The following CDK14 variants were observed in gnomAD, a reference collection of about 807,000 sequenced individuals.
CDK14 encodes cyclin-dependent kinase 14.
A neutral mutation model predicts 60.7 loss-of-function variants in CDK14; 34 were observed. The observed-to-expected ratio is 0.56, with a 90% CI of 0.43 to 0.75. CDK14 has a LOEUF of 0.75. CDK14 is among the 30% of genes least tolerant of loss of function. The probability of loss-of-function intolerance (pLI) is 0.00; values close to 1 mark genes in which losing one functional copy is unlikely to be tolerated. For missense variants in CDK14, 482 were observed against 564.1 expected (o/e 0.85, Z 1.47); for synonymous variants, 197 against 203.7 (o/e 0.97, Z 0.28).
At chr7:90,845,786 T>C (rs1000428520) in intron 5 of CDK14, among the ~76,000 whole-genome samples, 7 of 152,120 alleles carry the variant, frequency 4.6e-5, no homozygotes, top group Non-Finnish European at 1.5e-5. Flanking sequence ...AAAAATAAAA[T>C]GAGAATTTTT....
intron 8 of CDK14, among the ~76,000 whole-genome samples, chr7:90,940,863 G>GTA (rs1323549388): frequency 2.0e-5 from 3 of 151,778 alleles, no homozygotes; most frequent in African/African-American, 7.3e-5. Context: ...ATCTATCTAT[G>GTA]TATATATATG....
At chr7:90,883,579 C>T (rs771115401) in intron 6 of CDK14, among the ~76,000 whole-genome samples, 4 of 152,192 alleles carry the variant, frequency 2.6e-5, no homozygotes, top group Non-Finnish European at 5.9e-5. Context: ...CCCTTCCTAA[C>T]TCATTTTATG....
chr7:90,677,648 G>GT (rs368811450), intron 2 of CDK14, among the ~76,000 whole-genome samples: 59 of 148,960 alleles, frequency 4.0e-4, no homozygotes, highest in African/African-American at 1.1e-3. Context: ...CCTGGAAGCT[G>GT]TTTTTTTTTT....
At chr7:90,876,466 A>G (rs1472637601) in intron 6 of CDK14, among the ~76,000 whole-genome samples, 1 of 152,236 alleles carries the variant, frequency 6.6e-6, no homozygotes, top group Non-Finnish European at 1.5e-5. Flanking sequence ...ATTGTCAACC[A>G]ATATTCCATG....
At chr7:90,946,796 C>T (rs1182714887) in intron 8 of CDK14, among the ~76,000 whole-genome samples, 2 of 152,114 alleles carry the variant, frequency 1.3e-5, no homozygotes, top group Non-Finnish European at 2.9e-5. Flanking sequence ...AAACAAAAAA[C>T]AAACAAACAA....
chr7:90,824,859 G>A (rs777343694), intron 5 of CDK14: 5 of 152,262 alleles, frequency 3.3e-5, no homozygotes, highest in South Asian at 2.1e-4. Flanking sequence ...ACTTAAAATA[G>A]TAATAAAAAT....
chr7:90,918,430 C>A (rs934610196), intron 8 of CDK14, among the ~76,000 whole-genome samples: 3 of 152,186 alleles, frequency 2.0e-5, no homozygotes, highest in Admixed American at 2.0e-4. Flanking sequence ...CTCCAAACAC[C>A]ATGTTTGAGC....
chr7:90,855,388 A>G (rs967439208), intron 5 of CDK14, among the ~76,000 whole-genome samples: 4 of 152,192 alleles, frequency 2.6e-5, no homozygotes, highest in Admixed American at 6.5e-5. Flanking sequence ...TTTATTTAAT[A>G]GTGTTGTTTC....
chr7:90,707,660 T>C (rs1296283201), intron 2 of CDK14, among the ~76,000 whole-genome samples: 2 of 152,196 alleles, frequency 1.3e-5, no homozygotes, highest in African/African-American at 2.4e-5. Flanking sequence ...GCCTTCGCAG[T>C]GGTGACCACT....
rs1796722608 is a variant in CDK14, at chr7:91,030,180, A to C, written c.1042-15717A>C. ...TATATATACAGTTGCAAAAACTATA[A>C]CAAAATATTGCAAATGTAGTACATT... On this transcript the variant is annotated intron_variant, in intron 10 of 14. Transcript: ENST00000380050. Among the ~76,000 whole-genome samples, 3 of 152,338 alleles carry C rather than the reference A, an allele frequency of 2.0e-5. No individual in the cohort carries two copies. The South Asian group carries it at 6.2e-4, about 32-fold the overall frequency.
At chr7:90,946,792 A>AAAAC (rs932239653) in intron 8 of CDK14, among the ~76,000 whole-genome samples, 1 of 152,146 alleles carries the variant, frequency 6.6e-6, no homozygotes, top group Non-Finnish European at 1.5e-5. Context: ...CAAAAAACAA[A>AAAAC]AAACAAACAA....
At chr7:91,027,239 C>T (rs1796600091) in intron 10 of CDK14, among the ~76,000 whole-genome samples, 1 of 152,194 alleles carries the variant, frequency 6.6e-6, no homozygotes, top group African/African-American at 2.4e-5. Flanking sequence ...TCACAACAAT[C>T]TAAGCTGGTG....
At chr7:91,127,875 T>A (rs1393069828) in intron 14 of CDK14, among the ~76,000 whole-genome samples, 1 of 152,228 alleles carries the variant, frequency 6.6e-6, no homozygotes, top group Non-Finnish European at 1.5e-5. Context: ...TTGCCTCGCA[T>A]GTATTCATAC....
At chr7:90,740,536 G>A (rs1803304272) in intron 3 of CDK14, among the ~76,000 whole-genome samples, 2 of 152,102 alleles carry the variant, frequency 1.3e-5, no homozygotes, top group South Asian at 4.1e-4. Context: ...GGCCATGTGA[G>A]GACACAAGAG....
chr7:90,634,977 G>T (rs1217072272), intron 2 of CDK14, among the ~76,000 whole-genome samples: 1 of 152,148 alleles, frequency 6.6e-6, no homozygotes, highest in Admixed American at 6.5e-5. Flanking sequence ...TTTTGATGGG[G>T]TTGTTTGTTT....
chr7:90,757,256 G>GTGTGTGTGTGTGTC (rs1554330398), intron 4 of CDK14, among the ~76,000 whole-genome samples: 6 of 147,408 alleles, frequency 4.1e-5, no homozygotes, highest in Non-Finnish European at 7.4e-5. Context: ...GTGTGTCTGT[G>GTGTGTGTGTGTGTC]TGTGTCTGTG....
At chr7:91,118,733 A>C (rs1436670332) in intron 14 of CDK14, among the ~76,000 whole-genome samples, 1 of 152,242 alleles carries the variant, frequency 6.6e-6, no homozygotes, top group Non-Finnish European at 1.5e-5. Context: ...TAGACTCCCC[A>C]GTTTAGTTTA....
At chr7:91,020,007 C>T (rs980796186) in intron 10 of CDK14, among the ~76,000 whole-genome samples, 1 of 152,164 alleles carries the variant, frequency 6.6e-6, no homozygotes, top group Non-Finnish European at 1.5e-5. Context: ...CAGGTTAGGT[C>T]CAGAGTTGCT....
chr7:91,070,812 C>T (rs1798118684), intron 11 of CDK14, among the ~76,000 whole-genome samples: 1 of 150,232 alleles, frequency 6.7e-6, no homozygotes, highest in South Asian at 2.1e-4. Flanking sequence ...TCAAAACTTG[C>T]CCCAATAATT....
Sources: allele counts gnomAD v4.1 joint callset (sites outside exome capture counted in the v4.1 genomes callset), GRCh38; gene constraint gnomAD v4.1.1; transcripts MANE v1.5; gene names NCBI Gene and HGNC (gene_info 2026-07-23, HGNC 2026-07-21).